The following SEC63 variants were observed in gnomAD, a reference collection of about 807,000 sequenced individuals.
The protein encoded by SEC63 is SEC63 protein translocation regulator.
In SEC63, 56 loss-of-function variants were observed where a neutral mutation model predicts 116.2. That is an observed-to-expected ratio of 0.48 (90% CI 0.39 to 0.60). SEC63 has a LOEUF of 0.60. SEC63 is among the 20% of genes least tolerant of loss of function. The pLI, the probability that SEC63 is intolerant of heterozygous loss-of-function variation, is 0.00. For synonymous variants in SEC63, 273 were observed against 294.6 expected (o/e 0.93, Z 0.75); for missense variants, 668 against 900.0 (o/e 0.74, Z 3.30).
chr6:107,953,942 G>A (rs1004482125), intron 1 of SEC63, among the ~76,000 whole-genome samples: 37 of 152,058 alleles, frequency 2.4e-4, no homozygotes, highest in Non-Finnish European at 4.4e-4. Context: ...CCCTCTGCCC[G>A]GCCACCACCC....
intron 1 of SEC63, among the ~76,000 whole-genome samples, chr6:107,935,304 C>T (rs6933753): frequency 0.87 from 131,412 of 150,914 alleles, 57,406 homozygotes; most frequent in Middle Eastern, 0.93. Context: ...CAACAGCTCA[C>T]TGAGAACGGG....
At chr6:107,906,335 C>T in intron 10 of SEC63, 113 bp downstream of exon 10, 1 of 1,144,804 alleles carries the variant, frequency 8.7e-7, no homozygotes, top group East Asian at 2.3e-5. Context: ...ATTACCCAGC[C>T]TCAGGTATTT....
chr6:107,882,516 T>A (rs145258436), intron 17 of SEC63, among the ~76,000 whole-genome samples: 1 of 152,138 alleles, frequency 6.6e-6, no homozygotes, highest in African/African-American at 2.4e-5. Context: ...TGAAACAAGG[T>A]GGTATTCTAT....
rs1387093566 is a variant in SEC63 at position 107,918,501 on chromosome 6, C to A, written c.452+3296G>T. Among the ~76,000 whole-genome samples, 4 of 151,984 alleles carry A rather than the reference C, an allele frequency of 2.6e-5. No homozygotes were observed. The East Asian group carries it at 5.8e-4, about 22-fold the overall frequency. ...CCTGAGGTCAGGAGTTCAAGACTAG[C>A]CTGACCAACATAAAACCCTGTCTCT... On this transcript the variant is annotated intron_variant, in intron 4 of 20. Transcript: ENST00000369002.
At chr6:107,912,884 C>T (rs572494651) in intron 5 of SEC63, 110 bp from the exon 6 acceptor site, 1 of 805,006 alleles carries the variant, frequency 1.2e-6, no homozygotes, top group Admixed American at 2.2e-5. Context: ...CCCCACAACA[C>T]AAAAACAAAC....
chr6:107,939,434 G>T (rs1205999294), intron 1 of SEC63, among the ~76,000 whole-genome samples: 2 of 152,110 alleles, frequency 1.3e-5, no homozygotes, highest in African/African-American at 4.8e-5. Flanking sequence ...AATTGGCAAA[G>T]GCAGTTTTCA....
chr6:107,906,073 CA>C (rs149407742), intron 10 of SEC63, among the ~76,000 whole-genome samples: 114 of 152,264 alleles, frequency 7.5e-4, no homozygotes, highest in African/African-American at 2.7e-3. Flanking sequence ...GTGATTGGAT[CA>C]GGGGGGTGGA....
intron 16 of SEC63, among the ~76,000 whole-genome samples, chr6:107,890,975 G>A (rs536003700): frequency 1.1e-4 from 17 of 152,270 alleles, no homozygotes; most frequent in Admixed American, 5.2e-4. Context: ...TGGGTAACCC[G>A]ATCTTTCTCT....
At position 107,958,163 on chromosome 6, in the gene SEC63, CCGCCACCTCTGCCGCTGCCGCCGCCGT is replaced by C. The variant is rs1257367675; in HGVS notation, c.-181_-155del. On this transcript the variant is annotated 5_prime_UTR_variant, in exon 1 of 21. Transcript: ENST00000369002. ...CCACGCCACTCTCACGGACACGCCG[CCGCCACCTCTGCCGCTGCCGCCGCCGT>C]CGCCAGCTCTCGCGAGAGGAGATAG... 6.6e-6 allele frequency: 8 copies of C among 1,208,598 alleles called. No homozygotes were observed. Among genetic ancestry groups the C allele is most frequent in the Middle Eastern group, 2.8e-4 (1 of 3,616 alleles). The allele number at this position is 1,208,598 out of a possible 1,614,324, so 74.9% of individuals were successfully genotyped here.
chr6:107,918,621 G>A (rs980800840), intron 4 of SEC63, among the ~76,000 whole-genome samples: 1 of 151,574 alleles, frequency 6.6e-6, no homozygotes, highest in Non-Finnish European at 1.5e-5. Context: ...GAATCCAGGA[G>A]GCAAAGGTAG....
At chr6:107,913,566 A>G (rs1787333887) in intron 4 of SEC63, 139 bp from the exon 5 acceptor site, 1 of 743,494 alleles carries the variant, frequency 1.3e-6, no homozygotes, top group South Asian at 1.5e-5. Flanking sequence ...TTTCTCTGAA[A>G]TCAGGAGAAA....
chr6:107,906,662 G>A, intron 9 of SEC63, 21 bp downstream of exon 9: 3 of 1,608,114 alleles, frequency 1.9e-6, no homozygotes, highest in Non-Finnish European at 2.6e-6. Flanking sequence ...CTCATCGGGG[G>A]ATTTGGGAAA....
At chr6:107,949,395 T>C (rs1164548800) in intron 1 of SEC63, among the ~76,000 whole-genome samples, 2 of 151,998 alleles carry the variant, frequency 1.3e-5, no homozygotes, top group Admixed American at 6.6e-5. Context: ...ATCCCAGCAC[T>C]TTGAGAGTCC....
chr6:107,888,534 G>A (rs1786594923), intron 16 of SEC63, among the ~76,000 whole-genome samples: 1 of 152,178 alleles, frequency 6.6e-6, no homozygotes, highest in South Asian at 2.1e-4. Context: ...CATGTCATCT[G>A]CAAACAAAGA....
intron 3 of SEC63, among the ~76,000 whole-genome samples, chr6:107,924,088 C>A (rs1406936830): frequency 6.6e-6 from 1 of 150,628 alleles, no homozygotes; most frequent in African/African-American, 2.4e-5. Context: ...CATGGTGAAA[C>A]CCCATCTCTA....
At chr6:107,910,357 C>T (rs1187754354) in intron 7 of SEC63, among the ~76,000 whole-genome samples, 1 of 152,004 alleles carries the variant, frequency 6.6e-6, no homozygotes, top group Non-Finnish European at 1.5e-5. Context: ...GTCTTAGCTA[C>T]TTGGGAGGCT....
intron 18 of SEC63, chr6:107,880,852 A>C (rs185128521): frequency 1.1e-4 from 31 of 274,640 alleles, no homozygotes; most frequent in Admixed American, 5.1e-4. Context: ...AAGACTGCCT[A>C]ATCTGCTAAT....
rs544538127 is a variant in SEC63 at position 107,919,440 on chromosome 6, T to C, written c.452+2357A>G. On this transcript the variant is annotated intron_variant, in intron 4 of 20. Coordinates refer to ENST00000369002, the MANE Select transcript of SEC63 (RefSeq NM_007214.5). ...ATTCCTGATGAAGATGCTGTGAACA[T>C]TGTTGAAATCACAATAAAGGATTTA... is the stretch of plus-strand genomic sequence containing the variant. 5.9e-5 allele frequency among the ~76,000 whole-genome samples: 9 copies of C among 152,316 alleles called. No individual in the cohort carries two copies. The East Asian group carries it at 1.3e-3, about 23-fold the overall frequency.
At chr6:107,885,383 T>A (rs1786503938) in intron 16 of SEC63, among the ~76,000 whole-genome samples, 1 of 152,278 alleles carries the variant, frequency 6.6e-6, no homozygotes, top group East Asian at 1.9e-4. Flanking sequence ...CAAATAAAAA[T>A]TTTAATGACA....
Sources: gnomAD v4.1 joint callset for allele counts (sites outside exome capture counted in the v4.1 genomes callset) on GRCh38, gnomAD v4.1.1 for gene constraint, MANE v1.5 for transcripts, NCBI Gene and HGNC (gene_info 2026-07-23, HGNC 2026-07-21) for gene names.